The following ZIM3 variants were observed in gnomAD, a reference collection of about 807,000 sequenced individuals.
The protein encoded by ZIM3 is zinc finger protein 657.
ZIM3 carries 11 observed loss-of-function variants against 12.9 expected under a neutral mutation model. The observed-to-expected ratio is 0.85, with a 90% confidence interval of 0.54 to 1.41. ZIM3 has a LOEUF of 1.41. ZIM3 is among the 40% of genes most tolerant of loss of function. ZIM3 has a pLI of 0.00. For synonymous variants in ZIM3, 205 were observed against 198.5 expected (o/e 1.03, Z -0.28); for missense variants, 604 against 557.2 (o/e 1.08, Z -0.85).
intron 1 of ZIM3, among the ~76,000 whole-genome samples, chr19:57,143,675 CTTTTTTTTTT>C (rs71186226): frequency 7.2e-6 from 1 of 138,982 alleles, no homozygotes; most frequent in Admixed American, 7.3e-5. Flanking sequence ...CCAGGAGTTA[CTTTTTTTTTT>C]TTTTTTTTAA....
chr19:57,134,973 G>C lies in ZIM3; in HGVS notation c.1364C>G (p.Ala455Gly), dbSNP rs762238952. The C allele has an allele frequency of 4.3e-6, 7 of 1,614,098 alleles. No homozygotes were observed. The highest frequency in any genetic ancestry group is 1.1e-5 in the South Asian group (1 of 91,078). Residue 455 changes from alanine (A) to glycine (G), a missense_variant, in exon 5 of 5, where the codon GCC becomes GGC. Ala to Gly is a moderately conservative substitution (Grantham distance 60). Coordinates refer to ENST00000269834, the MANE Select transcript of ZIM3 (RefSeq NM_052882.1). ...KPYGCSECGK[A>G]FADRSYLVRH... ...AACAAGGTATGACCTGTCAGCGAAG[G>C]CTTTACCGCATTCAGAACATCCATA...
intron 2 of ZIM3, among the ~76,000 whole-genome samples, chr19:57,141,580 G>A (rs2086914247): frequency 6.6e-6 from 1 of 151,908 alleles, no homozygotes; most frequent in Non-Finnish European, 1.5e-5. Context: ...TGTTTTGTCT[G>A]AGTTCCTTCC....
intron 1 of ZIM3, among the ~76,000 whole-genome samples, 169 bp downstream of exon 1, chr19:57,144,690 A>G (rs776850031): frequency 1.3e-5 from 2 of 152,168 alleles, no homozygotes; most frequent in African/African-American, 2.4e-5. Flanking sequence ...TGGGAGCATC[A>G]CTTTTCAATA....
chr19:57,144,415 T>C (rs1299682121), intron 1 of ZIM3, among the ~76,000 whole-genome samples: 1 of 152,122 alleles, frequency 6.6e-6, no homozygotes, highest in Non-Finnish European at 1.5e-5. Context: ...ACAACTTTAA[T>C]GTTTATTAAA....
intron 2 of ZIM3, among the ~76,000 whole-genome samples, chr19:57,141,989 T>C (rs747713722): frequency 1.3e-5 from 2 of 152,100 alleles, no homozygotes; most frequent in African/African-American, 4.8e-5. Flanking sequence ...TTTAGTGAGT[T>C]AGGGAGATGG....
intron 1 of ZIM3, among the ~76,000 whole-genome samples, chr19:57,143,256 G>A (rs1037848494): frequency 2.6e-5 from 4 of 151,868 alleles, no homozygotes; most frequent in Non-Finnish European, 5.9e-5. Context: ...GCGGGAACCC[G>A]GGAGGCGGAG....
chr19:57,137,674 C>T (rs2086892677), intron 3 of ZIM3, among the ~76,000 whole-genome samples: 1 of 149,552 alleles, frequency 6.7e-6, no homozygotes. Flanking sequence ...GATCACACCA[C>T]TGCACTCCAG....
intron 2 of ZIM3, among the ~76,000 whole-genome samples, chr19:57,140,114 A>G (rs1209123543): frequency 2.0e-5 from 3 of 152,200 alleles, no homozygotes; most frequent in Non-Finnish European, 4.4e-5. Flanking sequence ...TCTTGGACAG[A>G]TAAATTTTTT....
chr19:57,137,216 G>C (rs909177553), intron 3 of ZIM3, among the ~76,000 whole-genome samples: 1 of 152,102 alleles, frequency 6.6e-6, no homozygotes, highest in Non-Finnish European at 1.5e-5. Context: ...TGGGTGTGGC[G>C]GCTCATGCCT....
At chr19:57,142,292 C>T (rs1026723954) in intron 2 of ZIM3, among the ~76,000 whole-genome samples, 2 of 151,846 alleles carry the variant, frequency 1.3e-5, no homozygotes, top group Non-Finnish European at 2.9e-5. Flanking sequence ...TACAGGTGTA[C>T]GCCACCACCA....
intron 1 of ZIM3, among the ~76,000 whole-genome samples, chr19:57,143,176 A>C (rs2086921493): frequency 6.6e-6 from 1 of 152,004 alleles, no homozygotes. Flanking sequence ...AAATACAAAA[A>C]CAAAATTAGC....
Position 57,135,682 on chromosome 19 carries a change from C to T in ZIM3, c.655G>A (p.Glu219Lys). ...KLDKHQKTHAEERPYKCENCG... is the reference protein window; with the variant it reads ...KLDKHQKTHAKERPYKCENCG... ...TTCTCACATTTATAGGGCCTTTCCT[C>T]TGCGTGAGTTTTCTGATGTTTATCA... is the stretch of plus-strand genomic sequence containing the variant. The change falls in exon 5 of 5, where the codon GAG (glutamate) becomes AAG (lysine). Residue 219 changes from glutamate to lysine, a missense_variant. By Grantham distance (56) the Glu-to-Lys change is moderately conservative. Coordinates refer to ENST00000269834, the MANE Select transcript of ZIM3 (RefSeq NM_052882.1). The T allele has an allele frequency of 6.2e-7, 1 of 1,613,214 alleles. No individual in the cohort carries two copies. The highest frequency in any genetic ancestry group is 8.5e-7 in the Non-Finnish European group (1 of 1,179,512).
Position 57,138,062 on chromosome 19 carries a change from G to GGAAGGAAA in ZIM3, c.142+409_142+410insTTTCCTTC, listed in dbSNP as rs1180648517. Among the ~76,000 whole-genome samples the GGAAGGAAA allele has an allele frequency of 1.4e-3, 136 of 97,474 alleles. 16 individuals carry two copies. Among genetic ancestry groups the GGAAGGAAA allele is most frequent in the Admixed American group, 3.7e-4 (3 of 8,102 alleles). The allele number at this position is 97,474 out of a possible 152,430, so 63.9% of individuals were successfully genotyped here. A position where few individuals can be genotyped will look rare whatever the true frequency, so the allele number is the denominator to read the frequency against. On this transcript the variant is annotated intron_variant, in intron 3 of 4. Transcript: ENST00000269834. ...AGGAAGGAAGGAAGGAAAGAAGGAA[G>GGAAGGAAA]GAAGGAAGGAAGGAAAGAAGGGAGG...
chr19:57,138,133 AG>A (rs2086898235), intron 3 of ZIM3, among the ~76,000 whole-genome samples: 2 of 107,278 alleles, frequency 1.9e-5, no homozygotes, highest in African/African-American at 4.2e-5. Flanking sequence ...GGAGGGAGGG[AG>A]GGAGGGAAGG....
intron 3 of ZIM3, among the ~76,000 whole-genome samples, chr19:57,137,912 AAGG>A (rs2086894775): frequency 1.8e-5 from 1 of 54,214 alleles, no homozygotes; most frequent in African/African-American, 8.0e-5. Flanking sequence ...AGAAGGAAGG[AAGG>A]AAGGAAAGAA....
At chr19:57,141,393 T>TCC (rs1192163719) in intron 2 of ZIM3, among the ~76,000 whole-genome samples, 32 of 81,110 alleles carry the variant, frequency 3.9e-4, no homozygotes, top group African/African-American at 1.9e-3. Context: ...AGAGGGAGAC[T>TCC]GTCTCAAAAA....
rs7252632 is a variant in ZIM3 at position 57,135,868 on chromosome 19, T to G, written c.469A>C (p.Asn157His). The change falls in exon 5 of 5, where the codon AAT becomes CAT. Residue 157 changes from asparagine to histidine, a missense_variant. By Grantham distance (68) the Asn-to-His change is moderately conservative. Transcript: ENST00000269834. ...TGTCCTACAAATTTGGATGGATTAT[T>G]GCCAACTAATTTTCTGTATCCATTA... ...DDNGYRKLVG[N>H]NPSKFVGQQL... The G allele has an allele frequency of 1.9e-6, 3 of 1,613,852 alleles. No individual in the cohort carries two copies. The Admixed American group carries it at 5.0e-5, about 27-fold the overall frequency.
chr19:57,143,124 A>G (rs1414149529), intron 1 of ZIM3, among the ~76,000 whole-genome samples: 2 of 152,006 alleles, frequency 1.3e-5, no homozygotes, highest in Non-Finnish European at 2.9e-5. Flanking sequence ...TCAGGAGATC[A>G]AGACCATCCT....
At chr19:57,137,324 A>G (rs1026484181) in intron 3 of ZIM3, among the ~76,000 whole-genome samples, 1 of 152,198 alleles carries the variant, frequency 6.6e-6, no homozygotes, top group African/African-American at 2.4e-5. Context: ...AGCAAGACCC[A>G]GTCTCTACAA....
Sources: gnomAD v4.1 joint callset for allele counts (sites outside exome capture counted in the v4.1 genomes callset) on GRCh38, gnomAD v4.1.1 for gene constraint, MANE v1.5 for transcripts, NCBI Gene and HGNC (gene_info 2026-07-23, HGNC 2026-07-21) for gene names.